ACOX3: variants seen among roughly 807,000 people sequenced by gnomAD.
ACOX3 encodes peroxisomal acyl-coenzyme A oxidase 3.
In ACOX3, 73 loss-of-function variants were observed where a neutral mutation model predicts 81.5. The ratio of observed to expected loss-of-function variants is 0.90; its 90% CI spans 0.74 to 1.09. ACOX3 has a LOEUF of 1.09. Among genes scored for constraint, ACOX3 ranks in the 50% least tolerant of loss-of-function variants. ACOX3 has a pLI of 0.00. For synonymous variants in ACOX3, 387 were observed against 375.1 expected (o/e 1.03, Z -0.37); for missense variants, 947 against 928.0 (o/e 1.02, Z -0.27).
In ACOX3 at chr4:8,412,480, A is replaced by G. The variant is rs576251151; in HGVS notation, c.543+1812T>C. ...AATGAATGGATGGATGGAAGAATGA[A>G]TGGATGGATGAGAGAATGAATGGAT... On this transcript the variant is annotated intron_variant, in intron 5 of 17. Transcript: ENST00000356406. Among the ~76,000 whole-genome samples, 4 of 152,278 alleles carry G rather than the reference A, an allele frequency of 2.6e-5. 1 individual carries two copies. The highest frequency in any genetic ancestry group is 7.2e-5 in the African/African-American group (3 of 41,576).
At chr4:8,365,264 T>G (rs1372609706), downstream of ACOX3, among the ~76,000 whole-genome samples, 1 of 152,242 alleles carries the variant, frequency 6.6e-6, no homozygotes, top group African/African-American at 2.4e-5. Context: ...TACTCGGAAC[T>G]GCTCCATCTA....
intron 8 of ACOX3, among the ~76,000 whole-genome samples, chr4:8,397,888 C>T (rs537714751): frequency 1.2e-3 from 189 of 152,348 alleles, no homozygotes; most frequent in African/African-American, 4.4e-3. Context: ...AAGCCGGGTG[C>T]GGCGGCTCAC....
At chr4:8,418,653 A>G (rs1435932380) in intron 1 of ACOX3, among the ~76,000 whole-genome samples, 1 of 152,114 alleles carries the variant, frequency 6.6e-6, no homozygotes, top group Non-Finnish European at 1.5e-5. Context: ...TGAGGTCAGG[A>G]GTTTGAGACC....
chr4:8,435,858 C>G (rs911697640), intron 1 of ACOX3, among the ~76,000 whole-genome samples: 11 of 152,078 alleles, frequency 7.2e-5, no homozygotes, highest in Admixed American at 1.3e-4. Context: ...AGCCTACCCC[C>G]CTTTACCGAG....
chr4:8,389,803 G>C lies in ACOX3; in HGVS notation c.1301-69C>G. 1.3e-6 allele frequency: 2 copies of C among 1,591,232 alleles called. No individual in the cohort carries two copies. The highest frequency in any genetic ancestry group is 1.7e-6 in the Non-Finnish European group (2 of 1,169,002). ...TGAGAAGCAGCCTGTCACTATGTGA[G>C]AATTTAAAAAGCCTTAAGAGGCTGG... On this transcript the variant is annotated intron_variant, in intron 11 of 17. Coordinates refer to ENST00000356406, the MANE Select transcript of ACOX3 (RefSeq NM_003501.3). This position sits in a 1 kb window ranked among gnomAD's most constrained non-coding sequence, Gnocchi z 5.3.
At chr4:8,388,530 G>A (rs965482077) in intron 13 of ACOX3, among the ~76,000 whole-genome samples, 5 of 152,244 alleles carry the variant, frequency 3.3e-5, no homozygotes, top group African/African-American at 1.2e-4. Context: ...CTCATTCCCA[G>A]CTCTCGCTCC....
At position 8,407,618 on chromosome 4, in the gene ACOX3, C is replaced by T. The variant is rs746759721; in HGVS notation, c.688-1575G>A. Among the ~76,000 whole-genome samples, 6 of 152,162 alleles carry T rather than the reference C, an allele frequency of 3.9e-5. No individual in the cohort carries two copies. The highest frequency in any genetic ancestry group is 7.4e-5 in the Non-Finnish European group (5 of 68,026). On this transcript the variant is annotated intron_variant, in intron 6 of 17. Coordinates refer to ENST00000356406, the MANE Select transcript of ACOX3 (RefSeq NM_003501.3). This position sits in a 1 kb window ranked among gnomAD's most constrained non-coding sequence, Gnocchi z 4.6. ...ACGGGGGCCGGTGCTGCCGGGAGGA[C>T]GTCGGGAATTTCATATTCACGTTTT...
intron 7 of ACOX3, among the ~76,000 whole-genome samples, chr4:8,403,903 C>T (rs1319469610): frequency 6.6e-6 from 1 of 152,202 alleles, no homozygotes; most frequent in Non-Finnish European, 1.5e-5. Context: ...TGACAATTCA[C>T]CACCGCCATA....
In ACOX3 at chr4:8,406,869, G is replaced by A. The variant is rs984564636; in HGVS notation, c.688-826C>T. On this transcript the variant is annotated intron_variant, in intron 6 of 17. Transcript: ENST00000356406. The surrounding 1 kb of genome is among the most constrained non-coding windows in gnomAD (Gnocchi z 5.6). The stretch of plus-strand genomic sequence containing the variant: ...GACCACTGAAGCACGGCATCACAGG[G>A]AGACGGTTAGTCCTCCGGATAACTG... Among the ~76,000 whole-genome samples, 1 of 152,210 alleles carries A rather than the reference G, an allele frequency of 6.6e-6. No homozygotes were observed. Among genetic ancestry groups the A allele is most frequent in the Non-Finnish European group, 1.5e-5 (1 of 68,032 alleles).
In ACOX3 at chr4:8,423,611, A is replaced by G. The variant is rs1482716737; in HGVS notation, c.-14-7076T>C. Among the ~76,000 whole-genome samples, 1 of 152,146 alleles carries G rather than the reference A, an allele frequency of 6.6e-6. No individual in the cohort carries two copies. Among genetic ancestry groups the G allele is most frequent in the African/African-American group, 2.4e-5 (1 of 41,438 alleles). On this transcript the variant is annotated intron_variant, in intron 1 of 17. Transcript: ENST00000356406. The surrounding 1 kb of genome is among the most constrained non-coding windows in gnomAD (Gnocchi z 4.2). The stretch of plus-strand genomic sequence containing the variant: ...AATGGACAGTGGAGGTTAGTGCAAG[A>G]TCTCAGGATTATCAATGAGGCTGTT...
chr4:8,358,596 CAGGTCTTA>C, the ACOX3 span, among the ~76,000 whole-genome samples: 1 of 152,186 alleles, frequency 6.6e-6, no homozygotes. Context: ...GCACAAGATA[CAGGTCTTA>C]AAGACCTTGC....
At chr4:8,359,118 A>G in the ACOX3 span, among the ~76,000 whole-genome samples, 1 of 152,126 alleles carries the variant, frequency 6.6e-6, no homozygotes, top group African/African-American at 2.4e-5. The surrounding 1 kb of genome is among the most constrained non-coding windows in gnomAD (Gnocchi z 6.0). Flanking sequence ...AGAAGTGACT[A>G]TAGTGTGGAA....
rs779969937 is a variant in ACOX3, at chr4:8,397,130, G to A, written c.874-11C>T. On this transcript the variant is annotated splice_polypyrimidine_tract_variant and intron_variant, in intron 8 of 17. Transcript: ENST00000356406. ...GCGCTGCCTGACGTCCTACGGGAGG[G>A]ACACAGATGATAAGCTCAAGCCCGG... 2 of 1,540,510 alleles carry A rather than the reference G, an allele frequency of 1.3e-6. No homozygotes were observed. The highest frequency in any genetic ancestry group is 1.2e-5 in the South Asian group (1 of 80,184).
chr4:8,372,924 G>A (rs943304686), intron 16 of ACOX3, among the ~76,000 whole-genome samples: 2 of 152,086 alleles, frequency 1.3e-5, no homozygotes, highest in Non-Finnish European at 2.9e-5. Context: ...AAAGGAAATC[G>A]GAGACCCTCA....
At chr4:8,439,120 T>A (rs558057879) in intron 1 of ACOX3, 1 of 152,342 alleles carries the variant, frequency 6.6e-6, no homozygotes, top group East Asian at 1.9e-4. Context: ...CTGTATTCAA[T>A]CTTTTTCCCA....
chr4:8,361,607 A>C (rs1253454284), downstream of ACOX3, among the ~76,000 whole-genome samples: 1 of 152,120 alleles, frequency 6.6e-6, no homozygotes, highest in African/African-American at 2.4e-5. Flanking sequence ...GAACATGGGA[A>C]TAAAAGCATA....
the ACOX3 span, among the ~76,000 whole-genome samples, chr4:8,358,884 T>A: frequency 6.6e-6 from 1 of 152,214 alleles, no homozygotes; most frequent in Non-Finnish European, 1.5e-5. Context: ...GTAGCCCTTT[T>A]TTTATTCCTT....
Position 8,394,649 on chromosome 4 carries a change from G to A in ACOX3, c.1150C>T (p.Leu384Phe), listed in dbSNP as rs778449573. ...FLDLVELQRGLASGDRSARQA... is the reference protein window; with the variant it reads ...FLDLVELQRGFASGDRSARQA... ...CTGGCGCTGCGGTCTCCCGATGCAA[G>A]TCCTCGCTGGAGCTCCACCAGGTCC... The change falls in exon 10 of 18, where the codon CTT becomes TTT. Residue 384 changes from leucine (L) to phenylalanine (F), a missense_variant. Leu to Phe is a conservative substitution (Grantham distance 22). Transcript: ENST00000356406. This position sits in a 1 kb window ranked among gnomAD's most constrained non-coding sequence, Gnocchi z 5.9. The A allele has an allele frequency of 1.9e-6, 3 of 1,613,838 alleles. No homozygotes were observed. In the East Asian group the frequency reaches 6.7e-5, roughly 36 times the overall value.
rs2108997926 is a variant in ACOX3, at chr4:8,419,271, T to C, written c.-14-2736A>G. Among the ~76,000 whole-genome samples the C allele has an allele frequency of 6.6e-6, 1 of 151,056 alleles. No individual in the cohort carries two copies. Among genetic ancestry groups the C allele is most frequent in the South Asian group, 2.1e-4 (1 of 4,770 alleles). Reference sequence around the variant, plus strand: ...CAACATGGTGAAACCTCATCTCTACTAAAAATACAAAAAAATTAGCCGGGC... The same window carrying C: ...CAACATGGTGAAACCTCATCTCTACCAAAAATACAAAAAAATTAGCCGGGC... On this transcript the variant is annotated intron_variant, in intron 1 of 17. Coordinates refer to ENST00000356406, the MANE Select transcript of ACOX3 (RefSeq NM_003501.3). The surrounding 1 kb of genome is among the most constrained non-coding windows in gnomAD (Gnocchi z 4.2).
Sources: gnomAD v4.1 joint callset for allele counts (sites outside exome capture counted in the v4.1 genomes callset) on GRCh38, gnomAD v4.1.1 for gene constraint, Gnocchi (gnomAD v3.1) non-coding constraint, MANE v1.5 for transcripts, NCBI Gene and HGNC (gene_info 2026-07-23, HGNC 2026-07-21) for gene names.